NNT: variants seen among roughly 807,000 people sequenced by gnomAD.
The protein encoded by NNT is nicotinamide nucleotide transhydrogenase, also known as NAD(P) transhydrogenase, mitochondrial.
NNT carries 50 observed loss-of-function variants against 104.8 expected under a neutral mutation model. That is an observed-to-expected ratio of 0.48 (90% CI 0.38 to 0.60). NNT has a LOEUF of 0.60. Among genes scored for constraint, NNT ranks in the 20% least tolerant of loss-of-function variants. NNT has a pLI of 0.00. For missense variants in NNT, 1,131 were observed against 1,330.7 expected, an observed-to-expected ratio of 0.85 and a Z score of 2.33; for synonymous variants, 461 against 490.4, an observed-to-expected ratio of 0.94 and a Z score of 0.79.
chr5:43,637,687 G>T (rs1252715590), intron 7 of NNT, among the ~76,000 whole-genome samples: 1 of 152,166 alleles, frequency 6.6e-6, no homozygotes, highest in Non-Finnish European at 1.5e-5. Context: ...AATATCTAGA[G>T]GAGGTAGTCC....
chr5:43,672,215 T>C (rs1216864915), intron 17 of NNT, among the ~76,000 whole-genome samples: 2 of 152,236 alleles, frequency 1.3e-5, no homozygotes, highest in Non-Finnish European at 1.5e-5. Context: ...TTTAGCTTTT[T>C]GTGATGGGTT....
chr5:43,607,343 C>G (rs1749277576), intron 1 of NNT, among the ~76,000 whole-genome samples: 1 of 152,314 alleles, frequency 6.6e-6, no homozygotes, highest in Middle Eastern at 3.4e-3. Context: ...ATCAATTGAC[C>G]TTGTGACATT....
intron 19 of NNT, among the ~76,000 whole-genome samples, chr5:43,696,087 A>C (rs1300884082): frequency 6.6e-6 from 1 of 152,102 alleles, no homozygotes; most frequent in Non-Finnish European, 1.5e-5. Context: ...TTATTAACTC[A>C]TTTCAGCATT....
chr5:43,677,908 G>T, intron 19 of NNT, 102 bp downstream of exon 19: 1 of 868,386 alleles, frequency 1.2e-6, no homozygotes. Flanking sequence ...TTAGGGCACT[G>T]ACCCGCCCAT....
At chr5:43,625,024 C>T (rs1348594406) in intron 6 of NNT, among the ~76,000 whole-genome samples, 1 of 152,096 alleles carries the variant, frequency 6.6e-6, no homozygotes, top group African/African-American at 2.4e-5. Context: ...AAAAGCTGTC[C>T]TGCTGAAATG....
At chr5:43,700,665 C>G (rs564053857) in intron 20 of NNT, among the ~76,000 whole-genome samples, 1 of 152,160 alleles carries the variant, frequency 6.6e-6, no homozygotes, top group African/African-American at 2.4e-5. Context: ...ATTGTACTAA[C>G]GTATGACTGG....
chr5:43,615,228 T>C (rs370670046), intron 3 of NNT, among the ~76,000 whole-genome samples: 7 of 152,258 alleles, frequency 4.6e-5, no homozygotes, highest in Admixed American at 4.6e-4. Flanking sequence ...TGTATATTCA[T>C]TGACTTAGTT....
intron 19 of NNT, among the ~76,000 whole-genome samples, chr5:43,682,510 C>T (rs1228897969): frequency 1.3e-5 from 2 of 152,306 alleles, no homozygotes; most frequent in Non-Finnish European, 2.9e-5. Context: ...CACACTCAGG[C>T]AGGATTTTCC....
intron 1 of NNT, among the ~76,000 whole-genome samples, chr5:43,608,297 G>GT (rs966680935): frequency 6.6e-6 from 1 of 152,198 alleles, no homozygotes; most frequent in African/African-American, 2.4e-5. Flanking sequence ...GACAGTGGGA[G>GT]TGCCTTTCAT....
At chr5:43,683,366 G>A (rs1741820769) in intron 19 of NNT, among the ~76,000 whole-genome samples, 1 of 152,204 alleles carries the variant, frequency 6.6e-6, no homozygotes, top group Admixed American at 6.5e-5. Flanking sequence ...CAGCATATTG[G>A]TATGGTGGAA....
At chr5:43,607,335 C>G (rs1247613641) in intron 1 of NNT, among the ~76,000 whole-genome samples, 2 of 152,202 alleles carry the variant, frequency 1.3e-5, no homozygotes, top group African/African-American at 4.8e-5. Context: ...CCTAACTGAT[C>G]AATTGACCTT....
At chr5:43,639,277 T>G (rs182794809) in intron 7 of NNT, among the ~76,000 whole-genome samples, 13 of 152,324 alleles carry the variant, frequency 8.5e-5, no homozygotes, top group South Asian at 6.2e-4. Flanking sequence ...TGAGAAAAGA[T>G]ACTGTGAATT....
Position 43,645,305 on chromosome 5 carries a change from T to C in NNT, c.1291-52T>C, listed in dbSNP as rs868594291. The C allele has an allele frequency of 2.0e-5, 25 of 1,260,000 alleles. 2 individuals are homozygous for C. The Middle Eastern group carries it at 4.0e-3, about 200-fold the overall frequency. The allele number at this position is 1,260,000 out of a possible 1,614,324, so 78.1% of individuals were successfully genotyped here. On this transcript the variant is annotated intron_variant, in intron 9 of 21. Transcript: ENST00000344920. ...AAAATAGTATATTCCTTAAGCAATT[T>C]TGAAATGCTGGATTGACTTTTTAAT...
chr5:43,676,799 A>G (rs935766230), intron 18 of NNT, among the ~76,000 whole-genome samples: 9 of 152,178 alleles, frequency 5.9e-5, no homozygotes, highest in Admixed American at 4.6e-4. Flanking sequence ...AACTATGTAG[A>G]CAGTTTTTCA....
chr5:43,691,913 G>A (rs1013762255), intron 19 of NNT, among the ~76,000 whole-genome samples: 1 of 152,156 alleles, frequency 6.6e-6, no homozygotes, highest in Non-Finnish European at 1.5e-5. Context: ...GTCAGTACCT[G>A]TGTCTACCAA....
At chr5:43,700,569 C>T (rs559961371) in intron 20 of NNT, among the ~76,000 whole-genome samples, 1 of 152,172 alleles carries the variant, frequency 6.6e-6, no homozygotes, top group Non-Finnish European at 1.5e-5. Context: ...GCTTGTTACC[C>T]AACCTCAGGC....
chr5:43,657,371 A>G (rs1488354477), intron 16 of NNT, among the ~76,000 whole-genome samples: 3 of 152,242 alleles, frequency 2.0e-5, no homozygotes. Context: ...ATTGAAACAC[A>G]CAGTAGTTTT....
intron 4 of NNT, among the ~76,000 whole-genome samples, chr5:43,618,650 A>G (rs577928829): frequency 3.2e-4 from 49 of 152,286 alleles, no homozygotes; most frequent in Admixed American, 2.0e-3. Flanking sequence ...TACATTTTCT[A>G]TTATGTTCTA....
intron 19 of NNT, among the ~76,000 whole-genome samples, chr5:43,693,281 C>T (rs1204173632): frequency 2.0e-5 from 3 of 152,124 alleles, no homozygotes; most frequent in Non-Finnish European, 4.4e-5. Context: ...CAATATAATG[C>T]ATTTTCTTTC....
Sources: allele counts gnomAD v4.1 joint callset (sites outside exome capture counted in the v4.1 genomes callset), GRCh38; gene constraint gnomAD v4.1.1; transcripts MANE v1.5; gene names NCBI Gene and HGNC (gene_info 2026-07-23, HGNC 2026-07-21).